HEATR5B: variants seen among roughly 807,000 people sequenced by gnomAD.
HEATR5B encodes HEAT repeat-containing protein 5B.
A neutral mutation model predicts 224.1 loss-of-function variants in HEATR5B; 156 were observed. The observed-to-expected ratio is 0.70, with a 90% CI of 0.61 to 0.80. The LOEUF is 0.80. HEATR5B is among the 30% of genes least tolerant of loss of function. HEATR5B has a pLI of 0.00. For synonymous variants in HEATR5B, 1,027 were observed against 893.0 expected (o/e 1.15, Z -2.68); for missense variants, 2,323 against 2,535.5 (o/e 0.92, Z 1.80).
chr2:37,034,697 C>T (rs1200743819), intron 21 of HEATR5B, among the ~76,000 whole-genome samples: 1 of 149,480 alleles, frequency 6.7e-6, no homozygotes, highest in Admixed American at 6.7e-5. Context: ...GCCTCAACCT[C>T]TCGGGCTCAA....
chr2:37,007,084 T>C lies in HEATR5B; in HGVS notation c.4743A>G (p.Pro1581=). The C allele has an allele frequency of 2.5e-6, 4 of 1,614,180 alleles. No individual in the cohort carries two copies. The highest frequency in any genetic ancestry group is 1.6e-4 in the Middle Eastern group (1 of 6,062). The stretch of plus-strand genomic sequence containing the variant: ...GATGCATTCTGTCTTTGTTAATTTC[T>C]GGCAAAGATTTAGCACTACCCACTG... ...SGAVGSAKSL[P]EINKDRMHLI... Residue 1581 remains proline (P), a synonymous_variant, in exon 29 of 36, where the codon CCA becomes CCG. Coordinates refer to ENST00000233099, the MANE Select transcript of HEATR5B (RefSeq NM_019024.3).
chr2:37,077,606 C>T (rs376091312), intron 3 of HEATR5B, among the ~76,000 whole-genome samples: 1 of 152,366 alleles, frequency 6.6e-6, no homozygotes, highest in East Asian at 1.9e-4. Context: ...CAGCGCCCGG[C>T]CCCTAAGCTT....
intron 25 of HEATR5B, 51 bp downstream of exon 25, chr2:37,020,604 C>G (rs374898039): frequency 1.5e-6 from 2 of 1,367,580 alleles, no homozygotes; most frequent in Non-Finnish European, 2.0e-6. Flanking sequence ...ACTTCTTCAG[C>G]AATCTTTCAA....
At chr2:37,050,618 C>A (rs1340599109) in intron 17 of HEATR5B, among the ~76,000 whole-genome samples, 3 of 152,046 alleles carry the variant, frequency 2.0e-5, no homozygotes, top group Non-Finnish European at 4.4e-5. Context: ...GAATCAATGG[C>A]AAATATTTGG....
At chr2:37,057,640 A>G (rs1350892700) in intron 14 of HEATR5B, among the ~76,000 whole-genome samples, 160 bp from the exon 15 acceptor site, 1 of 152,248 alleles carries the variant, frequency 6.6e-6, no homozygotes, top group African/African-American at 2.4e-5. Context: ...GTTTTAATAT[A>G]CAATAATGGT....
At chr2:37,064,609 G>A (rs1671476346) in intron 10 of HEATR5B, 131 bp downstream of exon 10, 3 of 834,866 alleles carry the variant, frequency 3.6e-6, no homozygotes, top group Non-Finnish European at 3.8e-6. Flanking sequence ...ACCATAGTAA[G>A]AACACTATGT....
At chr2:37,059,784 A>T (rs74336627) in intron 12 of HEATR5B, among the ~76,000 whole-genome samples, 5,228 of 152,066 alleles carry the variant, frequency 0.034, 125 homozygotes, top group Non-Finnish European at 0.052. Context: ...TGCATTTTGA[A>T]TTTTTACATA....
chr2:37,060,253 C>T (rs1421346036), intron 12 of HEATR5B, among the ~76,000 whole-genome samples: 1 of 152,088 alleles, frequency 6.6e-6, no homozygotes, highest in Non-Finnish European at 1.5e-5. Context: ...CTTTAAATAG[C>T]TGTTGGGTAT....
intron 21 of HEATR5B, among the ~76,000 whole-genome samples, chr2:37,036,025 A>G (rs940206795): frequency 3.9e-5 from 6 of 152,122 alleles, no homozygotes; most frequent in African/African-American, 1.4e-4. Context: ...CAAATCCTTC[A>G]TCCTAAATAT....
At chr2:37,083,686 A>C (rs1428454717) in intron 1 of HEATR5B, among the ~76,000 whole-genome samples, 1 of 152,208 alleles carries the variant, frequency 6.6e-6, no homozygotes, top group Admixed American at 6.5e-5. Context: ...ATTGCCAAAA[A>C]AGGCATTATT....
chr2:37,018,226 A>C (rs935282708), intron 26 of HEATR5B, among the ~76,000 whole-genome samples: 1 of 152,206 alleles, frequency 6.6e-6, no homozygotes, highest in African/African-American at 2.4e-5. Context: ...CCACAAAAGA[A>C]ATAAGTTTAA....
chr2:37,008,730 C>T lies in HEATR5B; in HGVS notation c.4403G>A (p.Ser1468Asn). ...CGTIDELPPD[S>N]LITLVQPELP... ...TTCAGGTTGTACCAGTGTTATTAAA[C>T]TATCTGGTGGCAGTTCATCGATGGT... is the stretch of plus-strand genomic sequence containing the variant. Residue 1468 changes from serine (S) to asparagine (N), a missense_variant, in exon 28 of 36, where the codon AGT (serine) becomes AAT (asparagine). This residue lies in a region of HEATR5B where 844 missense variants were observed against 812.9 expected (regional missense o/e 1.04). Coordinates refer to ENST00000233099, the MANE Select transcript of HEATR5B (RefSeq NM_019024.3). 6.2e-7 allele frequency: 1 copy of T among 1,613,774 alleles called. No individual in the cohort carries two copies. Among genetic ancestry groups the T allele is most frequent in the Non-Finnish European group, 8.5e-7 (1 of 1,179,658 alleles).
chr2:37,036,487 C>A (rs1669482295), intron 21 of HEATR5B, among the ~76,000 whole-genome samples: 1 of 151,066 alleles, frequency 6.6e-6, no homozygotes, highest in Admixed American at 6.6e-5. Context: ...TTCCTATGTA[C>A]TCTGCAAATC....
intron 10 of HEATR5B, among the ~76,000 whole-genome samples, chr2:37,062,424 C>T (rs781279826): frequency 4.6e-5 from 7 of 151,788 alleles, no homozygotes; most frequent in East Asian, 1.9e-4. Flanking sequence ...AGCGAGACTC[C>T]GTCTCCAAAA....
Position 36,981,741 on chromosome 2 carries a change from C to T in HEATR5B, c.5965G>A (p.Glu1989Lys), listed in dbSNP as rs774514578. 5 of 1,613,834 alleles carry T rather than the reference C, an allele frequency of 3.1e-6. No individual in the cohort carries two copies. Among genetic ancestry groups the T allele is most frequent in the Admixed American group, 3.3e-5 (2 of 59,960 alleles). The change falls in exon 36 of 36, where the codon GAA (glutamate) becomes AAA (lysine). Residue 1989 changes from glutamate (E) to lysine (K), a missense_variant. Transcript: ENST00000233099. ...VPTLISYLLD[E>K]NSFASASSAS... Reference sequence around the variant, plus strand: ...GAACTTGCTGAGGCAAAAGAATTTTCATCCAGCAGGTAAGATATCAAAGTG... The same window carrying T: ...GAACTTGCTGAGGCAAAAGAATTTTTATCCAGCAGGTAAGATATCAAAGTG...
At chr2:37,066,577 C>G (rs1270825412) in intron 8 of HEATR5B, among the ~76,000 whole-genome samples, 1 of 152,088 alleles carries the variant, frequency 6.6e-6, no homozygotes, top group Non-Finnish European at 1.5e-5. Flanking sequence ...GCCTGCTACC[C>G]CAACCTTTTA....
intron 13 of HEATR5B, 30 bp downstream of exon 13, chr2:37,058,858 G>T: frequency 7.9e-7 from 1 of 1,260,706 alleles, no homozygotes; most frequent in Non-Finnish European, 1.2e-6. Context: ...TATAAAATAG[G>T]ATGTGAACTT....
intron 5 of HEATR5B, among the ~76,000 whole-genome samples, chr2:37,072,890 A>G (rs904751660): frequency 6.6e-6 from 1 of 152,240 alleles, no homozygotes. Context: ...ACTTAGAGGA[A>G]ATAGACAATT....
chr2:37,012,836 C>T (rs1023795904), intron 27 of HEATR5B, among the ~76,000 whole-genome samples: 1 of 152,216 alleles, frequency 6.6e-6, no homozygotes, highest in African/African-American at 2.4e-5. Flanking sequence ...ATGTAAACAT[C>T]ACTTTCTCCA....
Sources: allele counts gnomAD v4.1 joint callset (sites outside exome capture counted in the v4.1 genomes callset), GRCh38; gene constraint gnomAD v4.1.1; regional missense constraint gnomAD v4.1.1; transcripts MANE v1.5; gene names NCBI Gene and HGNC (gene_info 2026-07-23, HGNC 2026-07-21).